Variants in CLVS1 observed in about 807,000 individuals in gnomAD.
CLVS1 encodes clavesin-1.
In CLVS1, 10 loss-of-function variants were observed where a neutral mutation model predicts 33.1. That is an observed-to-expected ratio of 0.30 (90% CI 0.19 to 0.51). The LOEUF (loss-of-function observed/expected upper bound fraction) is 0.51, where lower values mean the gene tolerates loss of function less well. Among genes scored for constraint, CLVS1 ranks in the 20% least tolerant of loss-of-function variants. The pLI is 0.97. For missense variants in CLVS1, 343 were observed against 433.4 expected, an observed-to-expected ratio of 0.79 and a Z score of 1.85; for synonymous variants, 163 against 166.1, an observed-to-expected ratio of 0.98 and a Z score of 0.14.
chr8:61,411,198 T>C (rs1263696504), intron 3 of CLVS1, among the ~76,000 whole-genome samples: 1 of 152,056 alleles, frequency 6.6e-6, no homozygotes, highest in Non-Finnish European at 1.5e-5. Context: ...GAAATAAACA[T>C]AAAGGACATA....
chr8:61,157,487 T>G lies in CLVS1; in HGVS notation c.-152+25627T>G, dbSNP rs184181456. ...TTATAACTTTGAAGCTAACCCTATA[T>G]ATCTGTACAAATTTCCTAGAGAGTA... On this transcript the variant is annotated intron_variant, in intron 2 of 2. Transcript: ENST00000522621. Among the ~76,000 whole-genome samples the G allele has an allele frequency of 1.5e-3, 227 of 152,282 alleles. 1 individual carries two copies. The highest frequency in any genetic ancestry group is 5.2e-3 in the African/African-American group (214 of 41,540).
intron 3 of CLVS1, among the ~76,000 whole-genome samples, chr8:61,381,546 G>A (rs1563527079): frequency 6.6e-6 from 1 of 152,272 alleles, no homozygotes; most frequent in South Asian, 2.1e-4. Flanking sequence ...CAGGTAGTGA[G>A]CATAATACTC....
At chr8:61,106,923 G>C (rs1289880388) in intron 1 of CLVS1, among the ~76,000 whole-genome samples, 1 of 152,142 alleles carries the variant, frequency 6.6e-6, no homozygotes, top group Non-Finnish European at 1.5e-5. Flanking sequence ...CCAGGAAAGG[G>C]TGAACATACA....
At chr8:61,198,755 A>G (rs1468858099) in intron 2 of CLVS1, among the ~76,000 whole-genome samples, 9 of 152,062 alleles carry the variant, frequency 5.9e-5, no homozygotes, top group Non-Finnish European at 4.4e-5. Flanking sequence ...AGTCCATTAT[A>G]CCACTCTGTA....
chr8:61,100,978 G>A (rs1805438625), intron 1 of CLVS1, among the ~76,000 whole-genome samples: 1 of 152,036 alleles, frequency 6.6e-6, no homozygotes, highest in Admixed American at 6.6e-5. Context: ...TTTATCAGTT[G>A]ACAGACACAT....
At chr8:61,186,352 T>C (rs973810689) in intron 2 of CLVS1, among the ~76,000 whole-genome samples, 12 of 152,240 alleles carry the variant, frequency 7.9e-5, no homozygotes, top group Non-Finnish European at 1.2e-4. Flanking sequence ...AAAAATGTAA[T>C]GCAGTTGCAG....
At chr8:61,286,820 A>G (rs1015067613), upstream of CLVS1, among the ~76,000 whole-genome samples, 3 of 152,358 alleles carry the variant, frequency 2.0e-5, no homozygotes, top group South Asian at 4.1e-4. Context: ...TTATCTTGGC[A>G]AAAAGAAAAT....
chr8:61,244,761 T>C (rs1485285492), intron 2 of CLVS1, among the ~76,000 whole-genome samples: 1 of 152,186 alleles, frequency 6.6e-6, no homozygotes, highest in African/African-American at 2.4e-5. Context: ...GGGAACTCTG[T>C]ATTTTCTGCT....
intron 2 of CLVS1, among the ~76,000 whole-genome samples, chr8:61,366,251 G>A (rs1453785456): frequency 1.3e-5 from 2 of 152,162 alleles, no homozygotes; most frequent in Admixed American, 6.5e-5. Context: ...CTGTCTTAAA[G>A]TGGTGTTTGA....
In CLVS1 at chr8:61,223,709, A is replaced by AT. The variant is rs939550353; in HGVS notation, c.-151-75965dup. ...TAATGGTGTTCTCTGTATTTCCTGA[A>AT]TTTGCATGTTGGCCTGTCTTGCTAA... is the stretch of plus-strand genomic sequence containing the variant. On this transcript the variant is annotated intron_variant, in intron 2 of 2. Coordinates refer to the CLVS1 transcript ENST00000522621. 3.3e-5 allele frequency among the ~76,000 whole-genome samples: 5 copies of AT among 152,154 alleles called. No individual in the cohort carries two copies. In the South Asian group the frequency reaches 6.2e-4, roughly 19 times the overall value.
Position 61,501,201 on chromosome 8 carries a change from G to T in CLVS1, c.*1659G>T, listed in dbSNP as rs992608689. The T allele has an allele frequency of 6.8e-6, 1 of 146,900 alleles. No homozygotes were observed. Among genetic ancestry groups the T allele is most frequent in the Admixed American group, 6.8e-5 (1 of 14,800 alleles). The allele number at this position is 146,900 out of a possible 1,614,324, so 9.1% of individuals were successfully genotyped here. On this transcript the variant is annotated 3_prime_UTR_variant, in exon 6 of 6. Transcript: ENST00000325897. ...CACTTTTCTTATGTACCAAGACATA[G>T]ATAGGTAAGAGAAATAAAGAATTGA...
chr8:61,454,392 C>A, intron 4 of CLVS1, 141 bp downstream of exon 4: 1 of 676,198 alleles, frequency 1.5e-6, no homozygotes. Context: ...AGCCCCTAAG[C>A]ATTTAAGCCT....
chr8:61,170,733 C>A (rs1463005838), intron 2 of CLVS1, among the ~76,000 whole-genome samples: 2 of 152,146 alleles, frequency 1.3e-5, no homozygotes, highest in Non-Finnish European at 1.5e-5. Context: ...CTACTTAGCA[C>A]CATATTTGAT....
intron 3 of CLVS1, among the ~76,000 whole-genome samples, chr8:61,380,965 A>T (rs1813853207): frequency 6.6e-6 from 1 of 152,150 alleles, no homozygotes; most frequent in South Asian, 2.1e-4. Context: ...CTATTTAAAA[A>T]TATTTGATTC....
At chr8:61,140,974 AG>A (rs2129293049) in intron 2 of CLVS1, among the ~76,000 whole-genome samples, 1 of 152,250 alleles carries the variant, frequency 6.6e-6, no homozygotes, top group South Asian at 2.1e-4. Flanking sequence ...CTTGTTACTA[AG>A]GGAGTGGTGA....
intron 1 of CLVS1, among the ~76,000 whole-genome samples, chr8:61,069,283 A>C (rs1221480346): frequency 6.6e-6 from 1 of 152,118 alleles, no homozygotes; most frequent in Non-Finnish European, 1.5e-5. Context: ...TCTTTTTACA[A>C]TGTAGGTCAT....
the CLVS1 span, chr8:60,966,313 C>A: frequency 1.3e-5 from 6 of 453,006 alleles, no homozygotes; most frequent in African/African-American, 1.2e-4. Flanking sequence ...GATCCTCAAG[C>A]AGCAGCCTCT....
intron 3 of CLVS1, among the ~76,000 whole-genome samples, chr8:61,422,775 T>C (rs934244119): frequency 1.1e-4 from 16 of 152,332 alleles, no homozygotes; most frequent in African/African-American, 3.4e-4. Context: ...CTGAACAGAC[T>C]CTTTAAACCC....
chr8:61,444,091 A>G (rs1364344184), intron 3 of CLVS1, among the ~76,000 whole-genome samples: 2 of 152,194 alleles, frequency 1.3e-5, no homozygotes, highest in Non-Finnish European at 2.9e-5. Context: ...TGCAACATTG[A>G]TAAACTCATT....
Sources: allele counts gnomAD v4.1 joint callset (sites outside exome capture counted in the v4.1 genomes callset), GRCh38; gene constraint gnomAD v4.1.1; transcripts MANE v1.5; gene names NCBI Gene and HGNC (gene_info 2026-07-23, HGNC 2026-07-21).